THOC1: variants seen among roughly 807,000 people sequenced by gnomAD.
The protein encoded by THOC1 is THO complex subunit 1.
THOC1 carries 29 observed loss-of-function variants against 97.3 expected under a neutral mutation model. The ratio of observed to expected loss-of-function variants is 0.30; its 90% CI spans 0.22 to 0.41. The LOEUF is 0.41. Among genes scored for constraint, THOC1 ranks in the 10% least tolerant of loss-of-function variants. The pLI is 1.00. For missense variants in THOC1, 529 were observed against 761.9 expected, an observed-to-expected ratio of 0.69 and a Z score of 3.60; for synonymous variants, 255 against 257.0, an observed-to-expected ratio of 0.99 and a Z score of 0.07.
intron 7 of THOC1, among the ~76,000 whole-genome samples, chr18:256,953 AC>A (rs1410726910): frequency 2.0e-5 from 3 of 152,008 alleles, no homozygotes; most frequent in Non-Finnish European, 4.4e-5. Flanking sequence ...TCAAGGTAAG[AC>A]CCCCACCAGC....
intron 7 of THOC1, among the ~76,000 whole-genome samples, chr18:258,839 T>A (rs1410204609): frequency 2.0e-5 from 3 of 152,102 alleles, no homozygotes; most frequent in Non-Finnish European, 2.9e-5. Context: ...AAAGGAAGTC[T>A]ATATAGCTAA....
intron 4 of THOC1, among the ~76,000 whole-genome samples, chr18:262,777 T>C (rs1912643968): frequency 6.6e-6 from 1 of 152,220 alleles, no homozygotes; most frequent in South Asian, 2.1e-4. Flanking sequence ...CCAGTTTTTA[T>C]AGAAGCATCA....
At position 254,227 on chromosome 18, in the gene THOC1, C is replaced by A. The variant is rs749247335; in HGVS notation, c.603+46G>T. On this transcript the variant is annotated intron_variant, in intron 8 of 20. Transcript: ENST00000261600. The surrounding 1 kb of genome is among the most constrained non-coding windows in gnomAD (Gnocchi z 4.1). Reference sequence around the variant, plus strand: ...GTGCCTGGACCCACTATCTTAATAACAAACTTGCAAATATGTTATCTGAGA... The same window carrying A: ...GTGCCTGGACCCACTATCTTAATAAAAAACTTGCAAATATGTTATCTGAGA... 99 of 1,379,788 alleles carry A rather than the reference C, an allele frequency of 7.2e-5. No individual in the cohort carries two copies. Among genetic ancestry groups the A allele is most frequent in the Middle Eastern group, 3.5e-4 (2 of 5,672 alleles). 85.5% of individuals were successfully genotyped at this position (1,379,788 alleles called of 1,614,324 possible).
At chr18:240,479 C>CA (rs1226673788) in intron 11 of THOC1, among the ~76,000 whole-genome samples, 1 of 152,186 alleles carries the variant, frequency 6.6e-6, no homozygotes, top group South Asian at 2.1e-4. Flanking sequence ...TCAAAAATGT[C>CA]AAAACAGAGG....
chr18:255,126 T>A (rs1233285955), intron 7 of THOC1, among the ~76,000 whole-genome samples: 2 of 152,208 alleles, frequency 1.3e-5, no homozygotes, highest in African/African-American at 4.8e-5. Flanking sequence ...TCCTTGGGCC[T>A]CCTTATTCCC....
intron 4 of THOC1, chr18:261,274 A>G (rs1221345851): frequency 6.6e-6 from 1 of 152,128 alleles, no homozygotes; most frequent in Non-Finnish European, 1.5e-5. Context: ...ACTTACTAAC[A>G]CTCATAAGTG....
At chr18:253,689 C>G (rs926871063) in intron 8 of THOC1, among the ~76,000 whole-genome samples, 1 of 152,140 alleles carries the variant, frequency 6.6e-6, no homozygotes, top group Non-Finnish European at 1.5e-5. Flanking sequence ...ATGATTAACA[C>G]TATTAAAACA....
rs1450345886 is a variant in THOC1 at position 235,083 on chromosome 18, C to CT, written c.919-8183dup. Among the ~76,000 whole-genome samples the CT allele has an allele frequency of 3.6e-3, 368 of 103,026 alleles. 7 individuals carry two copies. The East Asian group carries it at 0.058, about 16-fold the overall frequency. The allele number at this position is 103,026 out of a possible 152,430, so 67.6% of individuals were successfully genotyped here. ...AATGGTTGTTCATTTATTTGGTTTT[C>CT]TATTTTTTTTTTTTTTTGAGAGTCT... On this transcript the variant is annotated intron_variant, in intron 11 of 20. Transcript: ENST00000261600.
intron 17 of THOC1, among the ~76,000 whole-genome samples, chr18:222,195 C>T (rs576324566): frequency 8.1e-4 from 123 of 152,270 alleles, no homozygotes; most frequent in Admixed American, 1.6e-3. Context: ...TTACATGTCA[C>T]TTTTATCAAG....
At chr18:244,276 T>A (rs906101812) in intron 11 of THOC1, 1 of 152,156 alleles carries the variant, frequency 6.6e-6, no homozygotes, top group African/African-American at 2.4e-5. Context: ...AAATTTACTG[T>A]CATATTTTTC....
chr18:232,477 T>C (rs1332531016), intron 11 of THOC1, among the ~76,000 whole-genome samples: 1 of 151,792 alleles, frequency 6.6e-6, no homozygotes, highest in Non-Finnish European at 1.5e-5. Flanking sequence ...TTTATAGAAC[T>C]GTCACGTAAA....
chr18:216,409 T>G (rs1910892472), intron 19 of THOC1, 77 bp downstream of exon 19: 1 of 1,499,366 alleles, frequency 6.7e-7, no homozygotes, highest in Admixed American at 2.0e-5. Flanking sequence ...TTAAGTCAGT[T>G]TTTTGCTCAC....
At position 214,563 on chromosome 18, in the gene THOC1, T is replaced by C; in HGVS notation, c.*63A>G. ...TTGTTTACCAAAACCAGTGGACCTCTTATCAAATGCTGCTTGGTAACAAAA... is the reference window on the plus strand; with the variant it reads ...TTGTTTACCAAAACCAGTGGACCTCCTATCAAATGCTGCTTGGTAACAAAA... On this transcript the variant is annotated 3_prime_UTR_variant, in exon 21 of 21. Coordinates refer to ENST00000261600, the MANE Select transcript of THOC1 (RefSeq NM_005131.3). The C allele has an allele frequency of 7.3e-7, 1 of 1,378,566 alleles. No homozygotes were observed. Among genetic ancestry groups the C allele is most frequent in the Non-Finnish European group, 1.0e-6 (1 of 1,000,722 alleles). The allele number at this position is 1,378,566 out of a possible 1,614,324, so 85.4% of individuals were successfully genotyped here.
At chr18:259,958 C>A in intron 5 of THOC1, 1 of 522,666 alleles carries the variant, frequency 1.9e-6, no homozygotes, top group Non-Finnish European at 3.3e-6. Flanking sequence ...TGTGAATTTT[C>A]AAGTTAATTT....
chr18:229,140 T>C (rs984703476), intron 11 of THOC1, among the ~76,000 whole-genome samples: 1 of 152,172 alleles, frequency 6.6e-6, no homozygotes, highest in Non-Finnish European at 1.5e-5. Flanking sequence ...CTGGATTACC[T>C]TCCATCTGGA....
chr18:216,692 G>T, intron 18 of THOC1, 59 bp from the exon 19 acceptor site: 2 of 1,561,626 alleles, frequency 1.3e-6, no homozygotes, highest in Non-Finnish European at 1.7e-6. Flanking sequence ...ATTCCCTTCT[G>T]CTCAGTTCTG....
At chr18:264,352 G>A (rs115410014) in intron 3 of THOC1, among the ~76,000 whole-genome samples, 2,583 of 152,302 alleles carry the variant, frequency 0.017, 79 homozygotes, top group African/African-American at 0.057. Context: ...ATATTAGCAA[G>A]ATGAAGGCTA....
At chr18:231,359 T>C (rs1911480372) in intron 11 of THOC1, among the ~76,000 whole-genome samples, 1 of 152,140 alleles carries the variant, frequency 6.6e-6, no homozygotes, top group African/African-American at 2.4e-5. Flanking sequence ...TGCCTCTCTG[T>C]CAATCAATTT....
chr18:216,714 T>A (rs892945900), intron 18 of THOC1, 81 bp from the exon 19 acceptor site: 18 of 1,462,488 alleles, frequency 1.2e-5, no homozygotes, highest in Non-Finnish European at 1.5e-5. Flanking sequence ...CATGTGTAAT[T>A]CTGTATTTAA....
Sources: allele counts gnomAD v4.1 joint callset (sites outside exome capture counted in the v4.1 genomes callset), GRCh38; gene constraint gnomAD v4.1.1; non-coding constraint Gnocchi (gnomAD v3.1); transcripts MANE v1.5; gene names NCBI Gene and HGNC (gene_info 2026-07-23, HGNC 2026-07-21).